The following ARHGAP10 variants were observed in gnomAD, a reference collection of about 807,000 sequenced individuals.
ARHGAP10 encodes the protein Rho GTPase activating protein 10, also known as rho GTPase-activating protein 10.
ARHGAP10 carries 87 observed loss-of-function variants against 108.6 expected under a neutral mutation model. The observed-to-expected ratio is 0.80, with a 90% CI of 0.67 to 0.96. The LOEUF (loss-of-function observed/expected upper bound fraction) is 0.96. Ranked by LOEUF, ARHGAP10 falls within the 40% of genes least tolerant of loss-of-function variation. The pLI is 0.00. For synonymous variants in ARHGAP10, 347 were observed against 341.1 expected (o/e 1.02, Z -0.19); for missense variants, 939 against 954.5 (o/e 0.98, Z 0.21).
chr4:147,900,981 C>T (rs1027998770), intron 10 of ARHGAP10, among the ~76,000 whole-genome samples: 1 of 152,084 alleles, frequency 6.6e-6, no homozygotes, highest in African/African-American at 2.4e-5. Context: ...GCAAAGTTTT[C>T]TGTTCTTTAC....
intron 1 of ARHGAP10, among the ~76,000 whole-genome samples, chr4:147,803,917 T>C (rs1037379891): frequency 6.6e-6 from 1 of 152,192 alleles, no homozygotes; most frequent in Non-Finnish European, 1.5e-5. Context: ...AGGTTTCCCT[T>C]TGATATGCTG....
chr4:147,768,609 C>T (rs989570206), intron 1 of ARHGAP10, among the ~76,000 whole-genome samples: 2 of 151,902 alleles, frequency 1.3e-5, no homozygotes, highest in Admixed American at 6.6e-5. Context: ...TTTTCAAAAC[C>T]ATAATATTTT....
chr4:147,777,919 G>A (rs1045080056), intron 1 of ARHGAP10, among the ~76,000 whole-genome samples: 3 of 152,100 alleles, frequency 2.0e-5, no homozygotes, highest in African/African-American at 7.2e-5. Context: ...TTGAGGAATT[G>A]GAATCCTCAT....
At chr4:148,008,281 A>G (rs891080198) in intron 18 of ARHGAP10, among the ~76,000 whole-genome samples, 1 of 152,076 alleles carries the variant, frequency 6.6e-6, no homozygotes, top group Non-Finnish European at 1.5e-5. Context: ...GAAATTAATC[A>G]GTATCTCCCC....
intron 1 of ARHGAP10, among the ~76,000 whole-genome samples, chr4:147,734,007 G>C (rs953228420): frequency 0.051 from 24 of 470 alleles, no homozygotes; most frequent in Admixed American, 0.077. Context: ...TGGGAAGTAG[G>C]GGGGCGCCTA....
chr4:147,984,653 G>A (rs572980770), intron 18 of ARHGAP10, among the ~76,000 whole-genome samples: 3 of 152,332 alleles, frequency 2.0e-5, no homozygotes, highest in South Asian at 2.1e-4. Flanking sequence ...TAGGACCAGG[G>A]GGCAGTGGTC....
chr4:147,877,680 C>A (rs576463502), intron 8 of ARHGAP10, among the ~76,000 whole-genome samples: 15 of 152,194 alleles, frequency 9.9e-5, no homozygotes, highest in African/African-American at 3.6e-4. Context: ...CTAGAGGTCC[C>A]TCTGACATAC....
intron 18 of ARHGAP10, among the ~76,000 whole-genome samples, chr4:147,989,636 G>A (rs1345673101): frequency 6.6e-6 from 1 of 152,188 alleles, no homozygotes; most frequent in Admixed American, 6.5e-5. Flanking sequence ...GTTCTGCCCA[G>A]CTCACCGGCG....
At chr4:147,873,671 C>CAA in intron 7 of ARHGAP10, among the ~76,000 whole-genome samples, 1 of 136,038 alleles carries the variant, frequency 7.4e-6, no homozygotes, top group East Asian at 2.1e-4. Flanking sequence ...TACAAAAAAA[C>CAA]AAAAAACAAA....
At chr4:148,001,444 T>A (rs140713350) in intron 18 of ARHGAP10, among the ~76,000 whole-genome samples, 20,988 of 152,128 alleles carry the variant, frequency 0.14, 2,254 homozygotes, top group African/African-American at 0.3. Context: ...TTTCCAATTC[T>A]GTGAAGAAAG....
At chr4:147,733,217 C>G (rs1293928679) in intron 1 of ARHGAP10, among the ~76,000 whole-genome samples, 1 of 152,146 alleles carries the variant, frequency 6.6e-6, no homozygotes, top group Non-Finnish European at 1.5e-5. Flanking sequence ...CGGAAGAAGA[C>G]ACGAGATACA....
chr4:147,743,819 G>T (rs1379677998), intron 1 of ARHGAP10, among the ~76,000 whole-genome samples: 3 of 152,126 alleles, frequency 2.0e-5, no homozygotes, highest in Non-Finnish European at 4.4e-5. Context: ...GTGGATAATA[G>T]TTACATGTTT....
intron 16 of ARHGAP10, among the ~76,000 whole-genome samples, chr4:147,958,089 A>G (rs1738856008): frequency 6.6e-6 from 1 of 152,210 alleles, no homozygotes; most frequent in Non-Finnish European, 1.5e-5. Flanking sequence ...TACCTGGTCT[A>G]TGGGGAATAC....
intron 18 of ARHGAP10, among the ~76,000 whole-genome samples, chr4:148,004,536 G>GA (rs1181559151): frequency 1.3e-5 from 2 of 152,064 alleles, no homozygotes; most frequent in Non-Finnish European, 1.5e-5. Context: ...ACCAGAGAGA[G>GA]AAATTCTCCC....
At chr4:148,017,010 C>T (rs1741373873) in intron 18 of ARHGAP10, among the ~76,000 whole-genome samples, 2 of 148,246 alleles carry the variant, frequency 1.3e-5, no homozygotes, top group Admixed American at 6.7e-5. Flanking sequence ...AAAAAACCAG[C>T]TGGGCGTGGT....
intron 1 of ARHGAP10, among the ~76,000 whole-genome samples, chr4:147,788,510 C>T (rs1730988064): frequency 6.6e-6 from 1 of 152,080 alleles, no homozygotes; most frequent in African/African-American, 2.4e-5. Flanking sequence ...TGTGAAAGCA[C>T]TTTTGTTTGT....
chr4:147,965,045 G>T lies in ARHGAP10; in HGVS notation c.1472G>T (p.Arg491Leu), dbSNP rs755998386. Residue 491 changes from arginine (R) to leucine (L), a missense_variant, in exon 17 of 23, where the codon CGT becomes CTT. Coordinates refer to ENST00000336498, the MANE Select transcript of ARHGAP10 (RefSeq NM_024605.4). ...GAAGAAAGCGGCAGCCCAGAATCTC[G>T]TGTTAATGCGATCCATTTCTTGGTA... Reference protein sequence around the residue: ...VPAKSGSPESRVNAIHFLVHK... With the variant: ...VPAKSGSPESLVNAIHFLVHK... The T allele has an allele frequency of 6.3e-7, 1 of 1,596,702 alleles. No homozygotes were observed.
chr4:147,739,060 G>A (rs1243153747), intron 1 of ARHGAP10, among the ~76,000 whole-genome samples: 15 of 151,538 alleles, frequency 9.9e-5, no homozygotes, highest in African/African-American at 2.9e-4. Context: ...GGTGGCAGGC[G>A]CCTGTAATCC....
intron 1 of ARHGAP10, among the ~76,000 whole-genome samples, chr4:147,794,341 A>G (rs1038779324): frequency 2.6e-5 from 4 of 152,332 alleles, no homozygotes; most frequent in East Asian, 3.9e-4. Flanking sequence ...TTTTATGTCA[A>G]TCTTTGCAAC....
Sources: gnomAD v4.1 joint callset for allele counts (sites outside exome capture counted in the v4.1 genomes callset) on GRCh38, gnomAD v4.1.1 for gene constraint, MANE v1.5 for transcripts, NCBI Gene and HGNC (gene_info 2026-07-23, HGNC 2026-07-21) for gene names.